Variants in STK24 observed in about 807,000 individuals in gnomAD.
STK24 encodes the protein serine/threonine kinase 24.
A neutral mutation model predicts 55.6 loss-of-function variants in STK24; 21 were observed. The observed-to-expected ratio is 0.38, with a 90% CI of 0.27 to 0.54. The LOEUF is 0.54. Ranked by LOEUF, STK24 falls within the 20% of genes least tolerant of loss-of-function variation. The pLI is 0.79. For synonymous variants in STK24, 200 were observed against 215.2 expected (o/e 0.93, Z 0.62); for missense variants, 383 against 538.4 (o/e 0.71, Z 2.86).
chr13:98,559,517 A>G (rs986603150), intron 1 of STK24, among the ~76,000 whole-genome samples: 1 of 152,126 alleles, frequency 6.6e-6, no homozygotes, highest in Non-Finnish European at 1.5e-5. Context: ...ATAAATACCC[A>G]GTCTCGGGTA....
At chr13:98,461,446 C>T (rs746492006) in intron 8 of STK24, among the ~76,000 whole-genome samples, 16 of 152,222 alleles carry the variant, frequency 1.1e-4, no homozygotes, top group South Asian at 6.2e-4. Flanking sequence ...GCAACATGCA[C>T]AACAGTCCCT....
intron 3 of STK24, among the ~76,000 whole-genome samples, chr13:98,476,245 C>CG (rs1555303363): frequency 1.4e-5 from 2 of 145,790 alleles, no homozygotes; most frequent in Non-Finnish European, 3.1e-5. Context: ...GGGAAGCCCC[C>CG]CCCCGCCCCC....
chr13:98,466,621 T>C, intron 5 of STK24, 60 bp from the exon 6 acceptor site: 1 of 1,541,744 alleles, frequency 6.5e-7, no homozygotes, highest in Non-Finnish European at 8.8e-7. Flanking sequence ...ATACACAGTA[T>C]TTAGGGGGAA....
intron 8 of STK24, among the ~76,000 whole-genome samples, 199 bp from the exon 9 acceptor site, chr13:98,460,639 T>C (rs181322726): frequency 6.6e-6 from 1 of 152,236 alleles, no homozygotes; most frequent in African/African-American, 2.4e-5. Flanking sequence ...TCATCTGCAG[T>C]GACATGCAAA....
chr13:98,478,125 C>T (rs768113604), intron 3 of STK24, among the ~76,000 whole-genome samples: 1 of 152,196 alleles, frequency 6.6e-6, no homozygotes, highest in Non-Finnish European at 1.5e-5. Flanking sequence ...ATGAGCAGCT[C>T]GGACCAGGCC....
intron 1 of STK24, chr13:98,521,683 G>A (rs569838652): frequency 1.0e-4 from 73 of 710,736 alleles, no homozygotes; most frequent in South Asian, 7.4e-4. Flanking sequence ...TCGGGGATGC[G>A]GGGGAAGCAG....
At chr13:98,474,793 C>T (rs753435856) in intron 5 of STK24, 28 bp downstream of exon 5, 2 of 1,577,022 alleles carry the variant, frequency 1.3e-6, no homozygotes, top group South Asian at 1.2e-5. Flanking sequence ...CCTCGTGAGG[C>T]ACGGCGCCGC....
intron 6 of STK24, 132 bp from the exon 7 acceptor site, chr13:98,463,968 T>G: frequency 1.9e-6 from 2 of 1,038,782 alleles, no homozygotes; most frequent in South Asian, 1.6e-5. Context: ...CCACAGCGCT[T>G]CTCACTGCAA....
chr13:98,551,736 T>C (rs1897165088), intron 1 of STK24, among the ~76,000 whole-genome samples: 1 of 152,222 alleles, frequency 6.6e-6, no homozygotes. Context: ...TGGACTCCAA[T>C]GCTTGCTGGA....
chr13:98,487,327 G>GT (rs1370340809), intron 2 of STK24, among the ~76,000 whole-genome samples: 1 of 152,174 alleles, frequency 6.6e-6, no homozygotes, highest in Non-Finnish European at 1.5e-5. Context: ...ATAATTTCAT[G>GT]TTTTTTCAAC....
At chr13:98,482,228 GC>G in intron 3 of STK24, 36 bp downstream of exon 3, 1 of 1,249,158 alleles carries the variant, frequency 8.0e-7, no homozygotes. Context: ...CTGAGAAAAA[GC>G]TTTGATACGT....
chr13:98,556,566 C>A (rs564672307), intron 1 of STK24, among the ~76,000 whole-genome samples: 5 of 152,164 alleles, frequency 3.3e-5, no homozygotes, highest in African/African-American at 1.2e-4. Context: ...TGAGTATGTG[C>A]CCCAATGGTG....
rs1418948657 is a variant in STK24, at chr13:98,446,058, G to A, written c.*7115C>T. The A allele has an allele frequency of 2.9e-6, 4 of 1,390,232 alleles. No individual in the cohort carries two copies. Among genetic ancestry groups the A allele is most frequent in the Non-Finnish European group, 4.1e-6 (4 of 977,468 alleles). 86.1% of individuals were successfully genotyped at this position (1,390,232 alleles called of 1,614,324 possible). On this transcript the variant is annotated 3_prime_UTR_variant, in exon 11 of 11. Transcript: ENST00000539966. ...CTGCTCTCTGTGCCCTCCTGGGGCA[G>A]GTGCCCGCTGTGCTTCTCACAGGCC...
At chr13:98,545,633 CAA>C (rs57995539) in intron 1 of STK24, among the ~76,000 whole-genome samples, 56,883 of 117,832 alleles carry the variant, frequency 0.48, 12,170 homozygotes, top group East Asian at 0.55. Flanking sequence ...AACTCCATCT[CAA>C]AAAAAAAAAA....
chr13:98,550,472 T>C (rs770696335), intron 1 of STK24, among the ~76,000 whole-genome samples: 4 of 152,156 alleles, frequency 2.6e-5, no homozygotes, highest in Non-Finnish European at 5.9e-5. Flanking sequence ...GAGGCTACAG[T>C]GAGCCATGAT....
rs7327367 is a variant in STK24, at chr13:98,562,785, G to A, written c.42+13960C>T. 6.8e-3 allele frequency among the ~76,000 whole-genome samples: 1,035 copies of A among 151,690 alleles called. 12 individuals carry two copies. Among genetic ancestry groups the A allele is most frequent in the African/African-American group, 0.023 (962 of 41,358 alleles). Reference sequence around the variant, plus strand: ...AAAAAAATTAGCCGGACGTGGTGGCGGGCGCCTGCAGTCCCAGCTACTCGG... The same window carrying A: ...AAAAAAATTAGCCGGACGTGGTGGCAGGCGCCTGCAGTCCCAGCTACTCGG... On this transcript the variant is annotated intron_variant, in intron 1 of 10. Transcript: ENST00000539966.
rs1388091360 is a variant in STK24, at chr13:98,450,596, C to G, written c.*2577G>C. 1 of 152,422 alleles carries G rather than the reference C, an allele frequency of 6.6e-6. No homozygotes were observed. The highest frequency in any genetic ancestry group is 1.5e-5 in the Non-Finnish European group (1 of 68,204). 9.4% of individuals were successfully genotyped at this position (152,422 alleles called of 1,614,324 possible). On this transcript the variant is annotated 3_prime_UTR_variant, in exon 11 of 11. Coordinates refer to ENST00000539966, the MANE Select transcript of STK24 (RefSeq NM_001032296.4). The stretch of plus-strand genomic sequence containing the variant: ...AGCTACCAGCCACCCAGTCCACGGC[C>G]CTCGTCTCCCAGAGGCTGAGTACCT...
intron 2 of STK24, among the ~76,000 whole-genome samples, chr13:98,503,188 A>G (rs536566177): frequency 1.3e-5 from 2 of 152,102 alleles, no homozygotes; most frequent in South Asian, 2.1e-4. Flanking sequence ...AAAGATGAAC[A>G]CAACTCCGCA....
chr13:98,453,129 A>C lies in STK24; in HGVS notation c.*44T>G. On this transcript the variant is annotated 3_prime_UTR_variant, in exon 11 of 11. Coordinates refer to ENST00000539966, the MANE Select transcript of STK24 (RefSeq NM_001032296.4). ...GACTTTTAAAAAAGGAGGAGGATGA[A>C]GAAGGAAAAAAGGAAAAACAAAACC... 6.2e-6 allele frequency: 10 copies of C among 1,609,410 alleles called. No homozygotes were observed. Among genetic ancestry groups the C allele is most frequent in the Non-Finnish European group, 8.5e-6 (10 of 1,176,678 alleles).
Sources: gnomAD v4.1 joint callset for allele counts (sites outside exome capture counted in the v4.1 genomes callset) on GRCh38, gnomAD v4.1.1 for gene constraint, MANE v1.5 for transcripts, NCBI Gene and HGNC (gene_info 2026-07-23, HGNC 2026-07-21) for gene names.